Variants in WDR70 observed in about 807,000 individuals in gnomAD.
WDR70 encodes WD repeat domain 70, also known as WD repeat-containing protein 70.
A neutral mutation model predicts 88.6 loss-of-function variants in WDR70; 53 were observed. The observed-to-expected ratio is 0.60, with a 90% CI of 0.48 to 0.75. The LOEUF is 0.75. Ranked by LOEUF, WDR70 falls within the 30% of genes least tolerant of loss-of-function variation. The pLI is 0.00. For synonymous variants in WDR70, 280 were observed against 270.0 expected, an observed-to-expected ratio of 1.04 and a Z score of -0.36; for missense variants, 610 against 823.2, an observed-to-expected ratio of 0.74 and a Z score of 3.17.
At chr5:37,434,223 C>A (rs1750400092) in intron 5 of WDR70, among the ~76,000 whole-genome samples, 1 of 152,194 alleles carries the variant, frequency 6.6e-6, no homozygotes, top group Admixed American at 6.5e-5. Flanking sequence ...CTGAGACTCA[C>A]TCTCAGGAGA....
intron 5 of WDR70, among the ~76,000 whole-genome samples, chr5:37,419,037 T>TA (rs1398905092): frequency 7.0e-6 from 1 of 142,530 alleles, no homozygotes; most frequent in African/African-American, 3.1e-5. Flanking sequence ...GTGCTGGGAT[T>TA]ACAGGTGTGA....
intron 6 of WDR70, among the ~76,000 whole-genome samples, chr5:37,439,625 CTTT>C (rs34032020): frequency 2.7e-4 from 35 of 128,974 alleles, no homozygotes; most frequent in Non-Finnish European, 4.1e-4. Context: ...TGGCTTAACT[CTTT>C]TTTTTTTTTT....
chr5:37,483,099 C>T (rs1364434480), intron 8 of WDR70, among the ~76,000 whole-genome samples: 1 of 134,200 alleles, frequency 7.5e-6, no homozygotes, highest in African/African-American at 2.6e-5. Context: ...AAAGTGGTCT[C>T]AGTTTTTTTT....
At chr5:37,491,199 C>T (rs1000431371) in intron 8 of WDR70, among the ~76,000 whole-genome samples, 6 of 152,122 alleles carry the variant, frequency 3.9e-5, no homozygotes, top group African/African-American at 1.4e-4. Flanking sequence ...CTTAGGGCTC[C>T]CAGCTGGTCC....
chr5:37,618,533 C>G lies in WDR70; in HGVS notation c.1092+13295C>G, dbSNP rs182544199. Reference sequence around the variant, plus strand: ...ACCAGGTGCCCATCACCACGCCTGGCTAATTTTCATATTTTTAGTAGAGAT... The same window carrying G: ...ACCAGGTGCCCATCACCACGCCTGGGTAATTTTCATATTTTTAGTAGAGAT... On this transcript the variant is annotated intron_variant, in intron 10 of 17. Transcript: ENST00000265107. Among the ~76,000 whole-genome samples, 740 of 152,146 alleles carry G rather than the reference C, an allele frequency of 4.9e-3. 28 individuals are homozygous for G. The highest frequency in any genetic ancestry group is 0.045 in the Admixed American group (687 of 15,276).
intron 8 of WDR70, among the ~76,000 whole-genome samples, chr5:37,500,999 A>G (rs1740390952): frequency 6.6e-6 from 1 of 152,076 alleles, no homozygotes; most frequent in East Asian, 1.9e-4. Context: ...TTGGCCTCCC[A>G]AAGTGCTGGG....
At position 37,649,733 on chromosome 5, in the gene WDR70, C is replaced by CTTCTTTT. The variant is rs1384336784; in HGVS notation, c.1092+44497_1092+44498insCTTTTTT. 5.7e-4 allele frequency among the ~76,000 whole-genome samples: 39 copies of CTTCTTTT among 68,744 alleles called. 1 individual carries two copies. The highest frequency in any genetic ancestry group is 1.3e-3 in the South Asian group (2 of 1,520). The allele number at this position is 68,744 out of a possible 152,430, so 45.1% of individuals were successfully genotyped here. A position where few individuals can be genotyped will look rare whatever the true frequency, so the allele number is the denominator to read the frequency against. ...ATATACATTCACGATGTTATTACTTCTTTTTTTTTTTTTTTTTTTTTTGAG... is the reference window on the plus strand; with the variant it reads ...ATATACATTCACGATGTTATTACTTCTTCTTTTTTTTTTTTTTTTTTTTTTTTTTGAG... On this transcript the variant is annotated intron_variant, in intron 10 of 17. Coordinates refer to ENST00000265107, the MANE Select transcript of WDR70 (RefSeq NM_018034.4).
rs1271850769 is a variant in WDR70, at chr5:37,704,880, G to A, written c.1416+1793G>A. Among the ~76,000 whole-genome samples the A allele has an allele frequency of 5.2e-5, 6 of 115,408 alleles. No individual in the cohort carries two copies. In the East Asian group the frequency reaches 1.2e-3, roughly 22 times the overall value. 75.7% of individuals were successfully genotyped at this position (115,408 alleles called of 152,430 possible). A position where few individuals can be genotyped will look rare whatever the true frequency, so the allele number is the denominator to read the frequency against. On this transcript the variant is annotated intron_variant, in intron 13 of 17. Coordinates refer to ENST00000265107, the MANE Select transcript of WDR70 (RefSeq NM_018034.4). ...TACAATTAGAAGATGACTATCTTGT[G>A]TCTTTTTTTTTTTTTTAAAGCAGAG... is the stretch of plus-strand genomic sequence containing the variant.
intron 10 of WDR70, among the ~76,000 whole-genome samples, chr5:37,642,479 G>A (rs1438572888): frequency 4.6e-5 from 7 of 152,136 alleles, no homozygotes; most frequent in Admixed American, 6.5e-5. Flanking sequence ...CATATAATGC[G>A]TAATAATCAC....
At chr5:37,508,289 AATAG>A (rs1740622022) in intron 8 of WDR70, among the ~76,000 whole-genome samples, 1 of 152,174 alleles carries the variant, frequency 6.6e-6, no homozygotes, top group Non-Finnish European at 1.5e-5. Context: ...GAAAAAAAGG[AATAG>A]ATACCAGAGC....
At chr5:37,428,015 T>C (rs968564619) in intron 5 of WDR70, among the ~76,000 whole-genome samples, 1 of 151,968 alleles carries the variant, frequency 6.6e-6, no homozygotes, top group East Asian at 1.9e-4. Flanking sequence ...TCCTTTTTTT[T>C]TTTTTTCCCT....
At chr5:37,542,193 T>A (rs1561894747) in intron 9 of WDR70, among the ~76,000 whole-genome samples, 1 of 152,160 alleles carries the variant, frequency 6.6e-6, no homozygotes, top group Non-Finnish European at 1.5e-5. Flanking sequence ...AAAGACATAA[T>A]TTCATATTTA....
rs148383472 is a variant in WDR70, at chr5:37,469,998, A to G, written c.687-9836A>G. ...ATTTTTTGTTAAATTATTGTTTCAT[A>G]CATAAAAGTTCACCTTTTATTGTAT... On this transcript the variant is annotated intron_variant, in intron 7 of 17. Coordinates refer to ENST00000265107, the MANE Select transcript of WDR70 (RefSeq NM_018034.4). Among the ~76,000 whole-genome samples, 1,339 of 152,280 alleles carry G rather than the reference A, an allele frequency of 8.8e-3. 24 individuals are homozygous for G. Among genetic ancestry groups the G allele is most frequent in the African/African-American group, 0.03 (1,267 of 41,548 alleles).
intron 10 of WDR70, among the ~76,000 whole-genome samples, chr5:37,653,668 G>A (rs1443271418): frequency 6.6e-6 from 1 of 152,182 alleles, no homozygotes; most frequent in Non-Finnish European, 1.5e-5. Context: ...TTAGTCATGG[G>A]AGGGTGTATG....
At chr5:37,752,312 C>A (rs533583636) in intron 17 of WDR70, among the ~76,000 whole-genome samples, 174 bp from the exon 18 acceptor site, 2 of 152,124 alleles carry the variant, frequency 1.3e-5, no homozygotes, top group African/African-American at 4.8e-5. Flanking sequence ...TTTTCCTGAA[C>A]ATAATTAAAT....
At chr5:37,473,412 C>A (rs985017869) in intron 7 of WDR70, among the ~76,000 whole-genome samples, 1 of 150,006 alleles carries the variant, frequency 6.7e-6, no homozygotes, top group Admixed American at 6.7e-5. Context: ...GGCATGATCT[C>A]GGCTCACTGT....
chr5:37,604,866 G>A (rs1169771311), intron 9 of WDR70, among the ~76,000 whole-genome samples, 198 bp from the exon 10 acceptor site: 2 of 151,950 alleles, frequency 1.3e-5, no homozygotes, highest in Admixed American at 6.6e-5. Flanking sequence ...TGATTCAGAT[G>A]GTTTACTTTA....
At chr5:37,559,919 CTAAT>C (rs1346326508) in intron 9 of WDR70, among the ~76,000 whole-genome samples, 1 of 150,618 alleles carries the variant, frequency 6.6e-6, no homozygotes, top group Non-Finnish European at 1.5e-5. Context: ...ATAACATAAA[CTAAT>C]TGTTTTTCTT....
intron 10 of WDR70, among the ~76,000 whole-genome samples, chr5:37,690,975 G>C (rs933240413): frequency 6.6e-6 from 1 of 152,050 alleles, no homozygotes; most frequent in Non-Finnish European, 1.5e-5. Context: ...GTATTCAGGA[G>C]ACCCATCTCA....
Sources: gnomAD v4.1 joint callset for allele counts (sites outside exome capture counted in the v4.1 genomes callset) on GRCh38, gnomAD v4.1.1 for gene constraint, MANE v1.5 for transcripts, NCBI Gene and HGNC (gene_info 2026-07-23, HGNC 2026-07-21) for gene names.